COG3: variants seen among roughly 807,000 people sequenced by gnomAD.
COG3 encodes the protein conserved oligomeric Golgi complex subunit 3.
Under a neutral mutation model 114.1 loss-of-function variants are expected in COG3, and 32 were observed. The ratio of observed to expected loss-of-function variants is 0.28; its 90% CI spans 0.21 to 0.38. COG3 has a LOEUF of 0.38. Ranked by LOEUF, COG3 falls within the 10% of genes least tolerant of loss-of-function variation. The pLI, the probability that COG3 is intolerant of heterozygous loss-of-function variation, is 1.00. For synonymous variants in COG3, 352 were observed against 365.7 expected (o/e 0.96, Z 0.43); for missense variants, 813 against 973.2 (o/e 0.84, Z 2.19).
intron 19 of COG3, 58 bp from the exon 20 acceptor site, chr13:45,524,912 GCAGTAC>G: frequency 1.6e-6 from 2 of 1,216,598 alleles, no homozygotes; most frequent in Non-Finnish European, 2.4e-6. Context: ...ACCCTTGAGA[GCAGTAC>G]CAGTTTAATT....
At position 45,503,228 on chromosome 13, in the gene COG3, T is replaced by C. The variant is rs758566071; in HGVS notation, c.1489-16T>C. The C allele has an allele frequency of 5.4e-6, 7 of 1,295,764 alleles. No homozygotes were observed. In the South Asian group the frequency reaches 8.3e-5, roughly 15 times the overall value. The allele number at this position is 1,295,764 out of a possible 1,614,324, so 80.3% of individuals were successfully genotyped here. A position where few individuals can be genotyped will look rare whatever the true frequency, so the allele number is the denominator to read the frequency against. On this transcript the variant is annotated splice_polypyrimidine_tract_variant and intron_variant, in intron 13 of 22. Transcript: ENST00000349995. ...CTGCTGAAAACGGTAACATTCCTTC[T>C]GATTTCTTTATACAGCAGATTGCAC...
intron 14 of COG3, among the ~76,000 whole-genome samples, chr13:45,505,825 G>A: frequency 6.6e-6 from 1 of 151,914 alleles, no homozygotes; most frequent in Admixed American, 6.6e-5. Context: ...GAACTCCTGG[G>A]CTCAAGCAGT....
At chr13:45,526,602 A>G (rs1872722307) in intron 20 of COG3, among the ~76,000 whole-genome samples, 1 of 152,218 alleles carries the variant, frequency 6.6e-6, no homozygotes, top group Non-Finnish European at 1.5e-5. Flanking sequence ...AAACTTTGTG[A>G]CATACTTTAG....
chr13:45,526,075 A>AGTTTTTT (rs1872653232), intron 20 of COG3, among the ~76,000 whole-genome samples: 1 of 41,688 alleles, frequency 2.4e-5, no homozygotes, highest in Non-Finnish European at 5.7e-5. Flanking sequence ...CCAAAATTTT[A>AGTTTTTT]ATTTTTTTTT....
chr13:45,530,677 C>T lies in COG3; in HGVS notation c.2359-5C>T. On this transcript the variant is annotated splice_polypyrimidine_tract_variant and splice_region_variant and intron_variant, in intron 21 of 22. Coordinates refer to ENST00000349995, the MANE Select transcript of COG3 (RefSeq NM_031431.4). The stretch of plus-strand genomic sequence containing the variant: ...TTGATAAGATCTCCTCTCCTCCTTT[C>T]TAAGAATAATATTCAGCAAGTCTTC... The T allele has an allele frequency of 1.3e-6, 2 of 1,565,074 alleles. No homozygotes were observed. The highest frequency in any genetic ancestry group is 1.8e-6 in the Non-Finnish European group (2 of 1,135,614).
Position 45,535,800 on chromosome 13 carries a change from C to T in COG3, c.*1069C>T, listed in dbSNP as rs1205083747. The T allele has an allele frequency of 2.0e-6, 2 of 987,432 alleles. No homozygotes were observed. The highest frequency in any genetic ancestry group is 2.4e-6 in the Non-Finnish European group (2 of 830,088). 61.2% of individuals were successfully genotyped at this position (987,432 alleles called of 1,614,324 possible). A position where few individuals can be genotyped will look rare whatever the true frequency, so the allele number is the denominator to read the frequency against. ...ATCAGGGATCATAAATTATGCATAT[C>T]TATGAATTTTCCAACAAATTCCTAC... On this transcript the variant is annotated 3_prime_UTR_variant, in exon 23 of 23. Transcript: ENST00000349995.
Position 45,518,789 on chromosome 13 carries a change from T to C in COG3, c.1958T>C (p.Met653Thr), listed in dbSNP as rs1404854949. 1 of 1,613,844 alleles carries C rather than the reference T, an allele frequency of 6.2e-7. No individual in the cohort carries two copies. Among genetic ancestry groups the C allele is most frequent in the East Asian group, 2.2e-5 (1 of 44,884 alleles). Residue 653 changes from methionine to threonine, a missense_variant, in exon 18 of 23, where the codon ATG (methionine) becomes ACG (threonine). Transcript: ENST00000349995. ...RDAAFKILNP[M>T]TVPRFFRLNS... The stretch of plus-strand genomic sequence containing the variant: ...GCAGCATTTAAAATCCTGAACCCTA[T>C]GACTGTCCCAAGATTTTTTAGGCTG...
chr13:45,508,731 G>A (rs1870518900), intron 14 of COG3, among the ~76,000 whole-genome samples: 1 of 152,118 alleles, frequency 6.6e-6, no homozygotes, highest in Non-Finnish European at 1.5e-5. Flanking sequence ...CCTCGACCCA[G>A]AAGTGATTGT....
chr13:45,512,814 C>T (rs965284396), intron 16 of COG3, among the ~76,000 whole-genome samples: 15 of 152,040 alleles, frequency 9.9e-5, no homozygotes, highest in African/African-American at 2.9e-4. Context: ...AGGATCTCAC[C>T]ATGTTGCACA....
intron 19 of COG3, 121 bp downstream of exon 19, chr13:45,519,215 C>T: frequency 1.8e-6 from 2 of 1,084,532 alleles, no homozygotes; most frequent in Non-Finnish European, 2.7e-6. Context: ...CTTAATGATT[C>T]TGTCTAGGAA....
chr13:45,506,337 C>T (rs1014342657), intron 14 of COG3, among the ~76,000 whole-genome samples: 4 of 151,964 alleles, frequency 2.6e-5, no homozygotes, highest in Non-Finnish European at 5.9e-5. Flanking sequence ...CAAGAAAGAA[C>T]AGCCAGCGTG....
chr13:45,514,665 T>A (rs1871347832), intron 16 of COG3, among the ~76,000 whole-genome samples: 1 of 152,048 alleles, frequency 6.6e-6, no homozygotes, highest in African/African-American at 2.4e-5. Flanking sequence ...TTTGTTTGTT[T>A]GAGATGGAGT....
chr13:45,508,435 T>C (rs1870485351), intron 14 of COG3, among the ~76,000 whole-genome samples: 2 of 148,706 alleles, frequency 1.3e-5, no homozygotes, highest in African/African-American at 4.9e-5. Context: ...CATACACATA[T>C]ATATACATAT....
intron 9 of COG3, among the ~76,000 whole-genome samples, chr13:45,491,196 A>G (rs1376725318): frequency 2.0e-5 from 3 of 152,168 alleles, no homozygotes; most frequent in African/African-American, 7.2e-5. Flanking sequence ...TTGGAAAAGA[A>G]AGCTTTCTTT....
chr13:45,506,639 A>G (rs1253646598), intron 14 of COG3, among the ~76,000 whole-genome samples: 1 of 152,216 alleles, frequency 6.6e-6, no homozygotes, highest in Non-Finnish European at 1.5e-5. Flanking sequence ...ACAGCTCGTC[A>G]TCTGTGCAGT....
At chr13:45,469,432 A>G (rs1290948953) in intron 1 of COG3, among the ~76,000 whole-genome samples, 1 of 152,240 alleles carries the variant, frequency 6.6e-6, no homozygotes, top group Non-Finnish European at 1.5e-5. Flanking sequence ...GATGGTATCA[A>G]TGAACCTGAA....
chr13:45,489,048 C>T (rs534661854), intron 8 of COG3, among the ~76,000 whole-genome samples: 59 of 151,598 alleles, frequency 3.9e-4, no homozygotes, highest in African/African-American at 1.3e-3. Flanking sequence ...ATTAGCTGGA[C>T]ACGGTGGTGT....
At chr13:45,483,464 TAACC>T in intron 7 of COG3, 109 bp downstream of exon 7, 1 of 778,322 alleles carries the variant, frequency 1.3e-6, no homozygotes, top group South Asian at 2.9e-5. Flanking sequence ...CAAAAAATTT[TAACC>T]TTTTGTTAAG....
chr13:45,534,640 G>T, intron 22 of COG3, 62 bp from the exon 23 acceptor site: 1 of 1,307,210 alleles, frequency 7.6e-7, no homozygotes, highest in Non-Finnish European at 1.1e-6. Context: ...CTCCCTCCTT[G>T]ACTTTTCTTG....
Sources: allele counts gnomAD v4.1 joint callset (sites outside exome capture counted in the v4.1 genomes callset), GRCh38; gene constraint gnomAD v4.1.1; transcripts MANE v1.5; gene names NCBI Gene and HGNC (gene_info 2026-07-23, HGNC 2026-07-21).